PDE4DIP: variants seen among roughly 807,000 people sequenced by gnomAD.
PDE4DIP encodes the protein phosphodiesterase 4D interacting protein, also known as myomegalin.
PDE4DIP carries 59 observed loss-of-function variants against 221.4 expected under a neutral mutation model. The observed-to-expected ratio is 0.27, with a 90% CI of 0.22 to 0.33. The LOEUF (loss-of-function observed/expected upper bound fraction) is 0.33, where lower values mean the gene tolerates loss of function less well. PDE4DIP is among the 10% of genes least tolerant of loss of function. The pLI is 1.00. For synonymous variants in PDE4DIP, 404 were observed against 815.9 expected (o/e 0.50, Z 8.60); for missense variants, 1,036 against 2,154.2 (o/e 0.48, Z 10.28).
chr1:148,967,841 A>G lies in PDE4DIP; in HGVS notation c.1721A>G (p.Lys574Arg), dbSNP rs2058469196. 5.3e-6 allele frequency: 6 copies of G among 1,137,564 alleles called. No homozygotes were observed. In the East Asian group the frequency reaches 1.4e-4, roughly 27 times the overall value. 70.5% of individuals were successfully genotyped at this position (1,137,564 alleles called of 1,614,324 possible). A position where few individuals can be genotyped will look rare whatever the true frequency, so the allele number is the denominator to read the frequency against. The change falls in exon 13 of 44, where the codon AAG becomes AGG. Residue 574 changes from lysine (K) to arginine (R), a missense_variant. Coordinates refer to ENST00000369354, the Ensembl canonical transcript of PDE4DIP. ...GAAACCAAATTTAGCCGTTGGCAGAAGGAACAAGAGAGTATCATTCAGCAG... is the reference window on the plus strand; with the variant it reads ...GAAACCAAATTTAGCCGTTGGCAGAGGGAACAAGAGAGTATCATTCAGCAG...
intron 6 of PDE4DIP, among the ~76,000 whole-genome samples, chr1:148,961,322 A>G (rs1429991034): frequency 2.6e-5 from 4 of 152,204 alleles, no homozygotes; most frequent in African/African-American, 9.7e-5. Flanking sequence ...AAACACTTGC[A>G]TGCAGTCTTC....
chr1:149,004,331 A>G (rs1256395854), intron 26 of PDE4DIP, among the ~76,000 whole-genome samples: 1 of 151,342 alleles, frequency 6.6e-6, no homozygotes, highest in African/African-American at 2.4e-5. Context: ...GTAAAATGCC[A>G]TGGATTAGTT....
chr1:148,999,564 C>G (rs1553571918), intron 23 of PDE4DIP, among the ~76,000 whole-genome samples: 1 of 152,024 alleles, frequency 6.6e-6, no homozygotes, highest in South Asian at 2.1e-4. Flanking sequence ...TTAAAAAATT[C>G]TTGTGATTGT....
At chr1:149,030,536 T>C (rs2076444914) in intron 43 of PDE4DIP, 1 of 926,124 alleles carries the variant, frequency 1.1e-6, no homozygotes, top group African/African-American at 1.8e-5. Flanking sequence ...CTCCAATTTT[T>C]CTTCTTTGAG....
chr1:148,815,207 G>T (rs11800193), intron 1 of PDE4DIP, among the ~76,000 whole-genome samples: 98 of 121,794 alleles, frequency 8.0e-4, no homozygotes, highest in African/African-American at 2.8e-3. Flanking sequence ...TAAATATAAG[G>T]TTATATTTTA....
chr1:148,990,304 T>C (rs1553555805), intron 21 of PDE4DIP: 1 of 984,874 alleles, frequency 1.0e-6, no homozygotes, highest in Non-Finnish European at 1.2e-6. Flanking sequence ...AAAGAGAGAA[T>C]GAAGGGGAAG....
chr1:149,012,628 T>C (rs782180372), exon 32 of PDE4DIP: 1 of 1,609,626 alleles, frequency 6.2e-7, no homozygotes, highest in South Asian at 1.1e-5. Flanking sequence ...TGGCTAGCCT[T>C]CCTCAGGCAC....
chr1:148,922,877 T>C (rs1424676540), intron 1 of PDE4DIP, among the ~76,000 whole-genome samples: 4 of 137,000 alleles, frequency 2.9e-5, no homozygotes, highest in East Asian at 2.7e-4. Flanking sequence ...TGAGCCACCG[T>C]GCCCGGCCCT....
chr1:148,859,832 G>GTGTGTGTA (rs1553399054), intron 1 of PDE4DIP, among the ~76,000 whole-genome samples: 301 of 111,136 alleles, frequency 2.7e-3, no homozygotes, highest in East Asian at 0.014. Context: ...GTGTGTGTAT[G>GTGTGTGTA]TGTGTGTGTG....
chr1:148,859,792 T>TTGTG (rs3978545), intron 1 of PDE4DIP, among the ~76,000 whole-genome samples: 1,908 of 112,996 alleles, frequency 0.017, 37 homozygotes, highest in African/African-American at 0.05. Context: ...TATTACCACT[T>TTGTG]TGTGTGTGTG....
At chr1:148,994,340 T>C (rs1269475443) in intron 22 of PDE4DIP, among the ~76,000 whole-genome samples, 2 of 150,498 alleles carry the variant, frequency 1.3e-5, no homozygotes, top group African/African-American at 4.9e-5. Flanking sequence ...GCCCAGGTAG[T>C]GTGCATCTAT....
In PDE4DIP at chr1:148,823,517, T is replaced by C. The variant is rs10737211; in HGVS notation, c.233+14780T>C. Among the ~76,000 whole-genome samples the C allele has an allele frequency of 1.3e-4, 20 of 150,126 alleles. 1 individual carries two copies. The highest frequency in any genetic ancestry group is 2.7e-4 in the African/African-American group (11 of 40,270). On this transcript the variant is annotated intron_variant, in intron 1 of 45. Coordinates refer to the PDE4DIP transcript ENST00000524974. ...GGGGGGATTTTGTCCACTGTACGCA[T>C]GCTCATTCACACTCACATCTAACCC...
chr1:148,963,487 GTA>G (rs1403166856), intron 9 of PDE4DIP, among the ~76,000 whole-genome samples: 41 of 151,866 alleles, frequency 2.7e-4, no homozygotes, highest in African/African-American at 9.2e-4. Context: ...TGAAGGGGAT[GTA>G]TATATGGGGT....
At chr1:148,996,809 T>C (rs1322557457) in intron 22 of PDE4DIP, among the ~76,000 whole-genome samples, 1 of 152,170 alleles carries the variant, frequency 6.6e-6, no homozygotes, top group African/African-American at 2.4e-5. Flanking sequence ...GTGACCTGAA[T>C]GGAGATATAA....
intron 35 of PDE4DIP, among the ~76,000 whole-genome samples, chr1:149,019,867 G>A (rs1384243894): frequency 2.0e-5 from 3 of 152,128 alleles, no homozygotes; most frequent in East Asian, 1.9e-4. Flanking sequence ...TTGAACAGAC[G>A]ATATGTGAGC....
chr1:148,938,857 C>T (rs868939590), intron 5 of PDE4DIP, among the ~76,000 whole-genome samples: 3 of 149,836 alleles, frequency 2.0e-5, no homozygotes, highest in African/African-American at 4.9e-5. Context: ...GGGATGATCT[C>T]GGCTAACTGC....
At chr1:148,907,369 T>TTGTTTTTGTTTTTTTGAATTG (rs2042096987) in intron 1 of PDE4DIP, among the ~76,000 whole-genome samples, 2 of 125,274 alleles carry the variant, frequency 1.6e-5, no homozygotes, top group African/African-American at 6.1e-5. Context: ...TTTTTGGGTT[T>TTGTTTTTGTTTTTTTGAATTG]TGTTTTTGTT....
At chr1:148,861,737 T>C (rs1290391481) in intron 1 of PDE4DIP, among the ~76,000 whole-genome samples, 1 of 90,180 alleles carries the variant, frequency 1.1e-5, no homozygotes, top group Non-Finnish European at 2.1e-5. Context: ...AGCTACCTAT[T>C]GAAAGCATCT....
At chr1:148,979,301 A>G (rs1477347632) in intron 19 of PDE4DIP, among the ~76,000 whole-genome samples, 2 of 152,314 alleles carry the variant, frequency 1.3e-5, no homozygotes, top group Non-Finnish European at 2.9e-5. Flanking sequence ...ACACACATCT[A>G]TGATTAATGA....
Sources: gnomAD v4.1 joint callset for allele counts (sites outside exome capture counted in the v4.1 genomes callset) on GRCh38, gnomAD v4.1.1 for gene constraint, MANE v1.5 for transcripts, NCBI Gene and HGNC (gene_info 2026-07-23, HGNC 2026-07-21) for gene names.